Variants in PRSS12 observed in about 807,000 individuals in gnomAD.
PRSS12 encodes the protein serine protease 12.
A neutral mutation model predicts 104.4 loss-of-function variants in PRSS12; 85 were observed. The ratio of observed to expected loss-of-function variants is 0.81; its 90% CI spans 0.68 to 0.98. The LOEUF (loss-of-function observed/expected upper bound fraction) is 0.98, where lower values mean the gene tolerates loss of function less well. Ranked by LOEUF, PRSS12 falls within the 50% of genes least tolerant of loss-of-function variation. The pLI, the probability that PRSS12 is intolerant of heterozygous loss-of-function variation, is 0.00. For missense variants in PRSS12, 1,141 were observed against 1,139.2 expected (o/e 1.00, Z -0.02); for synonymous variants, 454 against 425.2 (o/e 1.07, Z -0.83).
intron 11 of PRSS12, among the ~76,000 whole-genome samples, chr4:118,294,641 T>C (rs1008030406): frequency 7.2e-5 from 11 of 152,132 alleles, no homozygotes; most frequent in East Asian, 1.9e-4. Context: ...CACAAAGATA[T>C]AATTTCAGCC....
rs202036949 is a variant in PRSS12, at chr4:118,294,157, AT to A, written c.2039+781del. Among the ~76,000 whole-genome samples, 214 of 152,352 alleles carry A rather than the reference AT, an allele frequency of 1.4e-3. 10 individuals are homozygous for A. In the East Asian group the frequency reaches 0.032, roughly 23 times the overall value. On this transcript the variant is annotated intron_variant, in intron 11 of 12. Transcript: ENST00000296498. Reference sequence around the variant, plus strand: ...AAAATGTTTCAACAATGTGGTACACATTTTTTTAAAACTTCATTGTGACAAT... The same window carrying A: ...AAAATGTTTCAACAATGTGGTACACATTTTTTAAAACTTCATTGTGACAAT...
Position 118,346,739 on chromosome 4 carries a change from G to A in PRSS12, c.502+5480C>T, listed in dbSNP as rs533251131. On this transcript the variant is annotated intron_variant, in intron 1 of 12. Coordinates refer to ENST00000296498, the MANE Select transcript of PRSS12 (RefSeq NM_003619.4). Reference sequence around the variant, plus strand: ...ACCTGAGCTCTGCCTCCTAAGCTCTGCCTCCTATCAGATCAGCAGCAGCAT... The same window carrying A: ...ACCTGAGCTCTGCCTCCTAAGCTCTACCTCCTATCAGATCAGCAGCAGCAT... Among the ~76,000 whole-genome samples, 3 of 152,232 alleles carry A rather than the reference G, an allele frequency of 2.0e-5. No individual in the cohort carries two copies. The South Asian group carries it at 6.2e-4, about 32-fold the overall frequency.
chr4:118,321,982 C>T (rs1723638887), intron 4 of PRSS12, among the ~76,000 whole-genome samples: 1 of 152,120 alleles, frequency 6.6e-6, no homozygotes. Flanking sequence ...ACCTGCATCA[C>T]TAAACTTCAG....
intron 4 of PRSS12, among the ~76,000 whole-genome samples, chr4:118,329,670 T>C (rs1487860892): frequency 6.6e-6 from 1 of 152,184 alleles, no homozygotes; most frequent in African/African-American, 2.4e-5. Context: ...CTTTAAAATA[T>C]AACTACCTAA....
At chr4:118,315,411 G>A (rs1743880000) in intron 6 of PRSS12, among the ~76,000 whole-genome samples, 1 of 152,024 alleles carries the variant, frequency 6.6e-6, no homozygotes, top group East Asian at 1.9e-4. Context: ...CTTGAATGAA[G>A]CTATGTTTTT....
At chr4:118,305,822 A>T (rs1280939324) in intron 8 of PRSS12, 2 of 152,060 alleles carry the variant, frequency 1.3e-5, no homozygotes, top group Non-Finnish European at 2.9e-5. Flanking sequence ...TTCTCCTCCC[A>T]ACCCCTGATA....
Position 118,335,457 on chromosome 4 carries a change from T to G in PRSS12, c.820+16A>C. On this transcript the variant is annotated intron_variant, in intron 3 of 12. Transcript: ENST00000296498. Reference sequence around the variant, plus strand: ...ATAATGAAAGTAAAACAACAGAACTTTTTTCTTTTTTTTACCATGGGAAAA... The same window carrying G: ...ATAATGAAAGTAAAACAACAGAACTGTTTTCTTTTTTTTACCATGGGAAAA... 1 of 1,609,702 alleles carries G rather than the reference T, an allele frequency of 6.2e-7. No individual in the cohort carries two copies. Among genetic ancestry groups the G allele is most frequent in the Non-Finnish European group, 8.5e-7 (1 of 1,177,836 alleles).
chr4:118,342,761 T>G (rs1184041203), intron 1 of PRSS12, among the ~76,000 whole-genome samples: 5 of 152,174 alleles, frequency 3.3e-5, no homozygotes, highest in Admixed American at 1.3e-4. Flanking sequence ...AATGTTCCAA[T>G]GTACAACAAT....
chr4:118,315,061 A>G (rs1235389993), intron 6 of PRSS12, among the ~76,000 whole-genome samples: 1 of 152,112 alleles, frequency 6.6e-6, no homozygotes, highest in Non-Finnish European at 1.5e-5. Flanking sequence ...TCTCTGCCCA[A>G]GAAAAGACAA....
chr4:118,318,329 C>T, intron 5 of PRSS12, 49 bp downstream of exon 5: 2 of 1,577,618 alleles, frequency 1.3e-6, no homozygotes, highest in African/African-American at 2.7e-5. Flanking sequence ...GGCAGGCCGA[C>T]ATGGTACTGG....
intron 4 of PRSS12, among the ~76,000 whole-genome samples, chr4:118,327,793 C>T (rs1723813867): frequency 6.6e-6 from 1 of 152,190 alleles, no homozygotes; most frequent in Admixed American, 6.5e-5. Context: ...ATCTGGCTGC[C>T]TCCTTTCCCG....
intron 1 of PRSS12, among the ~76,000 whole-genome samples, chr4:118,343,141 C>T (rs1028063634): frequency 6.6e-6 from 1 of 152,020 alleles, no homozygotes; most frequent in African/African-American, 2.4e-5. Flanking sequence ...GTAATCCCAG[C>T]ACTTTGGGAG....
At position 118,282,991 on chromosome 4, in the gene PRSS12, G is replaced by A. The variant is rs763012973; in HGVS notation, c.2160C>T (p.Pro720=). The stretch of plus-strand genomic sequence containing the variant: ...GGGCTATGTCATAATCACTGCGGTC[G>A]GGTCGATACTCCCGATGAATCACAA... ...QQIVIHREYR[P]DRSDYDIALV... is the part of the protein sequence containing the mutation. Residue 720 remains proline (P), a synonymous_variant, in exon 12 of 13, where the codon CCC becomes CCT. Coordinates refer to ENST00000296498, the MANE Select transcript of PRSS12 (RefSeq NM_003619.4). 1.7e-5 allele frequency: 27 copies of A among 1,613,916 alleles called. No individual in the cohort carries two copies. The highest frequency in any genetic ancestry group is 3.3e-5 in the Admixed American group (2 of 59,986).
chr4:118,337,028 T>G (rs747717279), intron 2 of PRSS12, among the ~76,000 whole-genome samples: 2 of 152,238 alleles, frequency 1.3e-5, no homozygotes, highest in African/African-American at 2.4e-5. Flanking sequence ...ATAATTAATT[T>G]TAATTTACTA....
intron 11 of PRSS12, among the ~76,000 whole-genome samples, chr4:118,293,152 T>C (rs952137557): frequency 1.3e-5 from 2 of 151,920 alleles, no homozygotes; most frequent in Non-Finnish European, 2.9e-5. Context: ...AACAAGGATA[T>C]ATGAGAATTT....
chr4:118,290,260 C>T (rs575706918), intron 11 of PRSS12, among the ~76,000 whole-genome samples: 17 of 152,210 alleles, frequency 1.1e-4, no homozygotes, highest in African/African-American at 4.1e-4. Flanking sequence ...ATCCAGGGAA[C>T]CCAAAAGTTA....
chr4:118,352,841 C>A lies in PRSS12; in HGVS notation c.-121G>T. On this transcript the variant is annotated 5_prime_UTR_variant, in exon 1 of 13. Coordinates refer to ENST00000296498, the MANE Select transcript of PRSS12 (RefSeq NM_003619.4). ...GAATCCCCCAGCCCCCTCCCGCCCC[C>A]GCACGCGGACCGCCCTCGCCTCCCC... 1 of 1,494,900 alleles carries A rather than the reference C, an allele frequency of 6.7e-7. No individual in the cohort carries two copies. The allele number at this position is 1,494,900 out of a possible 1,614,324, so 92.6% of individuals were successfully genotyped here. A position where few individuals can be genotyped will look rare whatever the true frequency, so the allele number is the denominator to read the frequency against.
In PRSS12 at chr4:118,331,213, G is replaced by A. The variant is rs75996086; in HGVS notation, c.971+503C>T. The stretch of plus-strand genomic sequence containing the variant: ...AGGCAACCTGGAATGTTGATTTTCA[G>A]ACTGCTGTTTTCATGACATAGGCTT... On this transcript the variant is annotated intron_variant, in intron 4 of 12. Coordinates refer to ENST00000296498, the MANE Select transcript of PRSS12 (RefSeq NM_003619.4). Among the ~76,000 whole-genome samples, 1,345 of 152,248 alleles carry A rather than the reference G, an allele frequency of 8.8e-3. 47 individuals are homozygous for A. The East Asian group carries it at 0.14, about 15-fold the overall frequency.
intron 4 of PRSS12, among the ~76,000 whole-genome samples, chr4:118,322,884 G>C (rs1723671735): frequency 6.6e-6 from 1 of 151,702 alleles, no homozygotes; most frequent in South Asian, 2.1e-4. Flanking sequence ...TTGCTTGTGA[G>C]CCGAGTGGTT....
Sources: allele counts gnomAD v4.1 joint callset (sites outside exome capture counted in the v4.1 genomes callset), GRCh38; gene constraint gnomAD v4.1.1; transcripts MANE v1.5; gene names NCBI Gene and HGNC (gene_info 2026-07-23, HGNC 2026-07-21).